Variants in CHRM3 observed in about 807,000 individuals in gnomAD.
CHRM3 encodes the protein muscarinic acetylcholine receptor M3.
Under a neutral mutation model 41.8 loss-of-function variants are expected in CHRM3, and 11 were observed. The ratio of observed to expected loss-of-function variants is 0.26; its 90% CI spans 0.17 to 0.44. The LOEUF is 0.44. Ranked by LOEUF, CHRM3 falls within the 20% of genes least tolerant of loss-of-function variation. CHRM3 has a pLI of 1.00. For missense variants in CHRM3, 571 were observed against 745.4 expected, an observed-to-expected ratio of 0.77 and a Z score of 2.72; for synonymous variants, 297 against 301.4, an observed-to-expected ratio of 0.99 and a Z score of 0.15.
chr1:239,410,677 T>C (rs947589697), intron 1 of CHRM3, among the ~76,000 whole-genome samples: 3 of 152,172 alleles, frequency 2.0e-5, no homozygotes, highest in Non-Finnish European at 4.4e-5. Flanking sequence ...GCATGCAGTG[T>C]CCCTTCTACA....
chr1:239,877,993 C>T (rs1677257028), intron 6 of CHRM3, among the ~76,000 whole-genome samples: 1 of 151,472 alleles, frequency 6.6e-6, no homozygotes, highest in South Asian at 2.1e-4. Flanking sequence ...CAGGTTCATG[C>T]CATTCTCCTG....
chr1:239,765,250 G>A (rs1269046446), intron 5 of CHRM3, among the ~76,000 whole-genome samples: 3 of 152,080 alleles, frequency 2.0e-5, no homozygotes, highest in East Asian at 3.9e-4. Flanking sequence ...AGATCTCTTC[G>A]TTCAGGCAAC....
At chr1:239,836,743 C>T (rs546260333) in intron 6 of CHRM3, among the ~76,000 whole-genome samples, 14 of 152,078 alleles carry the variant, frequency 9.2e-5, no homozygotes, top group Non-Finnish European at 1.9e-4. Context: ...TTTGGGAGGC[C>T]GAGGCTGATG....
chr1:239,629,810 T>A (rs1669599664), intron 3 of CHRM3, among the ~76,000 whole-genome samples: 1 of 152,192 alleles, frequency 6.6e-6, no homozygotes, highest in Non-Finnish European at 1.5e-5. Flanking sequence ...TGGCCTTCCA[T>A]AATTATTCTG....
At chr1:239,600,325 C>G (rs1296432433) in intron 3 of CHRM3, among the ~76,000 whole-genome samples, 1 of 151,946 alleles carries the variant, frequency 6.6e-6, no homozygotes, top group Non-Finnish European at 1.5e-5. Flanking sequence ...CCCTGGGAGG[C>G]TGACCCCTAT....
intron 1 of CHRM3, among the ~76,000 whole-genome samples, chr1:239,458,008 T>C (rs1665079587): frequency 6.6e-6 from 1 of 151,994 alleles, no homozygotes; most frequent in African/African-American, 2.4e-5. Flanking sequence ...GCCGTACTTG[T>C]GTTGTTCAGG....
intron 3 of CHRM3, among the ~76,000 whole-genome samples, chr1:239,609,875 G>A (rs1027059846): frequency 6.6e-6 from 1 of 151,882 alleles, no homozygotes; most frequent in Non-Finnish European, 1.5e-5. Flanking sequence ...ATCTATTTAG[G>A]TACAGGCCAT....
intron 6 of CHRM3, among the ~76,000 whole-genome samples, chr1:239,898,602 G>A (rs1296699423): frequency 6.6e-6 from 1 of 152,162 alleles, no homozygotes; most frequent in Non-Finnish European, 1.5e-5. Context: ...TATTATTATA[G>A]ACGTAGAATT....
intron 1 of CHRM3, among the ~76,000 whole-genome samples, chr1:239,453,376 T>C (rs916693876): frequency 6.6e-6 from 1 of 152,274 alleles, no homozygotes; most frequent in Non-Finnish European, 1.5e-5. Context: ...TCATGTGTTG[T>C]AGCAAAAGCT....
At chr1:239,784,403 C>G (rs780688569) in intron 5 of CHRM3, among the ~76,000 whole-genome samples, 1 of 151,998 alleles carries the variant, frequency 6.6e-6, no homozygotes, top group Non-Finnish European at 1.5e-5. Context: ...CAGTTTTACT[C>G]CTTTTCTATT....
Position 239,631,223 on chromosome 1 carries a change from A to C in CHRM3, c.-312-1001A>C, listed in dbSNP as rs954166176. On this transcript the variant is annotated intron_variant, in intron 3 of 6. Coordinates refer to ENST00000676153, the MANE Select transcript of CHRM3 (RefSeq NM_001375978.1). ...ATTTTAAATTGTTAATTACATATCCAATTGCTGTAAAACTCTCTCGAAGTT... is the reference window on the plus strand; with the variant it reads ...ATTTTAAATTGTTAATTACATATCCCATTGCTGTAAAACTCTCTCGAAGTT... Among the ~76,000 whole-genome samples, 5 of 152,302 alleles carry C rather than the reference A, an allele frequency of 3.3e-5. No homozygotes were observed. The South Asian group carries it at 1.0e-3, about 32-fold the overall frequency.
intron 6 of CHRM3, among the ~76,000 whole-genome samples, chr1:239,850,820 A>G (rs1274927906): frequency 2.0e-5 from 3 of 152,150 alleles, no homozygotes; most frequent in Non-Finnish European, 4.4e-5. Flanking sequence ...TTCTTCCGCC[A>G]TGACTGTAAG....
chr1:239,425,350 T>C (rs1337044820), intron 1 of CHRM3, among the ~76,000 whole-genome samples: 4 of 152,186 alleles, frequency 2.6e-5, no homozygotes, highest in African/African-American at 9.7e-5. Context: ...GAGGTCCTAC[T>C]ATGTGCCAAG....
chr1:239,808,584 G>A lies in CHRM3; in HGVS notation c.-146-18668G>A, dbSNP rs145588917. 5.1e-3 allele frequency among the ~76,000 whole-genome samples: 773 copies of A among 152,230 alleles called. 6 individuals carry two copies. Among genetic ancestry groups the A allele is most frequent in the African/African-American group, 0.017 (720 of 41,530 alleles). Reference sequence around the variant, plus strand: ...TTATTTGCCACCTAAAATGCCTAGCGATAGTTTTTGCCATATCGATTGGAC... The same window carrying A: ...TTATTTGCCACCTAAAATGCCTAGCAATAGTTTTTGCCATATCGATTGGAC... On this transcript the variant is annotated intron_variant, in intron 5 of 6. Coordinates refer to ENST00000676153, the MANE Select transcript of CHRM3 (RefSeq NM_001375978.1).
intron 1 of CHRM3, among the ~76,000 whole-genome samples, chr1:239,479,317 G>A (rs373719001): frequency 1.9e-4 from 29 of 151,892 alleles, no homozygotes; most frequent in East Asian, 5.8e-4. Context: ...CACTGTATGC[G>A]TTATAGTCGA....
In CHRM3 at chr1:239,700,461, A is replaced by G. The variant is rs374700777; in HGVS notation, c.-147+22173A>G. ...GTCCCAAACTCTGAAACTTCTATGC[A>G]TTAATGCTGGTACTGCCCTCTGACA... On this transcript the variant is annotated intron_variant, in intron 5 of 6. Transcript: ENST00000676153. Among the ~76,000 whole-genome samples, 4 of 152,184 alleles carry G rather than the reference A, an allele frequency of 2.6e-5. No homozygotes were observed. In the East Asian group the frequency reaches 7.7e-4, roughly 29 times the overall value.
chr1:239,546,633 T>C (rs1036315537), intron 3 of CHRM3: 2 of 152,132 alleles, frequency 1.3e-5, no homozygotes, highest in Admixed American at 1.3e-4. Context: ...TTAAATGATA[T>C]ATGAGGAAAC....
intron 6 of CHRM3, among the ~76,000 whole-genome samples, chr1:239,836,991 A>T (rs1056260557): frequency 2.7e-5 from 4 of 148,588 alleles, no homozygotes; most frequent in African/African-American, 1.0e-4. Context: ...AAAAAAAAAG[A>T]TGGGTGAAGG....
intron 5 of CHRM3, among the ~76,000 whole-genome samples, chr1:239,761,725 T>G (rs1558521452): frequency 6.6e-6 from 1 of 152,202 alleles, no homozygotes; most frequent in Non-Finnish European, 1.5e-5. Flanking sequence ...GCCTGGGTGC[T>G]CTGCAGATTG....
Sources: gnomAD v4.1 joint callset for allele counts (sites outside exome capture counted in the v4.1 genomes callset) on GRCh38, gnomAD v4.1.1 for gene constraint, MANE v1.5 for transcripts, NCBI Gene and HGNC (gene_info 2026-07-23, HGNC 2026-07-21) for gene names.